LZTR1: variants seen among roughly 807,000 people sequenced by gnomAD.
The protein encoded by LZTR1 is leucine-zipper-like transcriptional regulator 1.
Under a neutral mutation model 105.7 loss-of-function variants are expected in LZTR1, and 260 were observed. That is an observed-to-expected ratio of 2.46 (90% CI 2.22 to 2.72). The LOEUF (loss-of-function observed/expected upper bound fraction) is 2.72. LZTR1 is among the 30% of genes most tolerant of loss of function. The pLI is 0.00. For missense variants in LZTR1, 1,214 were observed against 1,166.9 expected (o/e 1.04, Z -0.59); for synonymous variants, 490 against 476.4 (o/e 1.03, Z -0.37).
rs763082355 is a variant in LZTR1 at position 20,996,043 on chromosome 22, G to A, written c.2150G>A (p.Arg717Lys). The A allele has an allele frequency of 3.1e-6, 5 of 1,613,508 alleles. No homozygotes were observed. The highest frequency in any genetic ancestry group is 4.2e-6 in the Non-Finnish European group (5 of 1,180,026). Residue 717 changes from arginine to lysine, a missense_variant, in exon 18 of 21, where the codon AGG becomes AAG. Transcript: ENST00000646124. Reference protein sequence around the residue: ...NISIGEMVPSRQAFESMLRYI... With the variant: ...NISIGEMVPSKQAFESMLRYI... ...TCCATCGGGGAGATGGTGCCCAGCA[G>A]GCAGGCCTTCGAGTCCATGCTGCGC...
rs371593909 is a variant in LZTR1, at chr22:20,992,283, C to A, written c.1063C>A (p.Arg355=). ...GGTGCCCACCCTGACCTATGAGGAG[C>A]GGGTTGGCTTCAAGAAGTCCCGAGA... ...EEVPTLTYEE[R]VGFKKSRDVF... Residue 355 remains arginine, a synonymous_variant, in exon 10 of 21, where the codon CGG becomes AGG. Coordinates refer to ENST00000646124, the MANE Select transcript of LZTR1 (RefSeq NM_006767.4). The A allele has an allele frequency of 4.3e-6, 7 of 1,613,964 alleles. No individual in the cohort carries two copies. The highest frequency in any genetic ancestry group is 5.9e-6 in the Non-Finnish European group (7 of 1,179,938).
At chr22:20,996,154 G>A (rs1271049814) in intron 18 of LZTR1, 42 bp downstream of exon 18, 2 of 1,600,748 alleles carry the variant, frequency 1.2e-6, no homozygotes, top group Non-Finnish European at 1.7e-6. Context: ...CCCACCAAGG[G>A]GTCCTGGCAC....
At position 20,982,308 on chromosome 22, in the gene LZTR1, A is replaced by C; in HGVS notation, c.-64A>C. The C allele has an allele frequency of 7.6e-7, 1 of 1,319,672 alleles. No homozygotes were observed. Among genetic ancestry groups the C allele is most frequent in the Non-Finnish European group, 1.0e-6 (1 of 972,358 alleles). 81.7% of individuals were successfully genotyped at this position (1,319,672 alleles called of 1,614,324 possible). On this transcript the variant is annotated 5_prime_UTR_variant, in exon 1 of 21. Transcript: ENST00000646124. ...GCTCGCCGGGAAATGTGGTTTCTCC[A>C]GCCGGCCCGGGGCGGTGGCCGCAAG...
In LZTR1 at chr22:20,992,208, C is replaced by T; in HGVS notation, c.994-6C>T. 6.2e-7 allele frequency: 1 copy of T among 1,612,730 alleles called. No homozygotes were observed. Among genetic ancestry groups the T allele is most frequent in the Non-Finnish European group, 8.5e-7 (1 of 1,179,356 alleles). On this transcript the variant is annotated splice_region_variant and splice_polypyrimidine_tract_variant and intron_variant, in intron 9 of 20. Transcript: ENST00000646124. ...GGTCTCATGCCCATGTGTCTCCCCTCTTCAGGTTGGTGGGGCTGAAGTGCC... is the reference window on the plus strand; with the variant it reads ...GGTCTCATGCCCATGTGTCTCCCCTTTTCAGGTTGGTGGGGCTGAAGTGCC...
intron 3 of LZTR1, 101 bp from the exon 4 acceptor site, chr22:20,987,403 A>AAT: frequency 1.5e-6 from 1 of 667,500 alleles, no homozygotes; most frequent in Non-Finnish European, 2.7e-6. Context: ...AAAAAAAAAA[A>AAT]GAAAAAAGAA....
chr22:20,993,999 G>C lies in LZTR1; in HGVS notation c.1429G>C (p.Ala477Pro). The change falls in exon 13 of 21, where the codon GCG (alanine) becomes CCG (proline). Residue 477 changes from alanine (A) to proline (P), a missense_variant. By Grantham distance (27) the Ala-to-Pro change is conservative. Transcript: ENST00000646124. Reference sequence around the variant, plus strand: ...CTGGCTTCGCAGGAAGATCACGCAGGCGCGGGAGAGGCTGGCCCAGGTGAG... The same window carrying C: ...CTGGCTTCGCAGGAAGATCACGCAGCCGCGGGAGAGGCTGGCCCAGGTGAG... ...SRWLRRKITQARERLAQKLEQ... is the reference protein window; with the variant it reads ...SRWLRRKITQPRERLAQKLEQ... 5 of 1,610,840 alleles carry C rather than the reference G, an allele frequency of 3.1e-6. No individual in the cohort carries two copies. The highest frequency in any genetic ancestry group is 3.4e-6 in the Non-Finnish European group (4 of 1,179,420).
In LZTR1 at chr22:20,994,972, C is replaced by G; in HGVS notation, c.1888C>G (p.Arg630Gly). The G allele has an allele frequency of 6.2e-7, 1 of 1,613,104 alleles. No homozygotes were observed. Among genetic ancestry groups the G allele is most frequent in the Non-Finnish European group, 8.5e-7 (1 of 1,179,960 alleles). Reference sequence around the variant, plus strand: ...CTCTCCACTGATAGTGGAGATTGTGCGGCGGAAGCAGCAGCCGCCCCCTCG... The same window carrying G: ...CTCTCCACTGATAGTGGAGATTGTGGGGCGGAAGCAGCAGCCGCCCCCTCG... The part of the protein sequence containing the change: ...LSSPLIVEIV[R>G]RKQQPPPRTP... The change falls in exon 16 of 21, where the codon CGG (arginine) becomes GGG (glycine). Residue 630 changes from arginine (R) to glycine (G), a missense_variant. Physicochemically the swap from Arg to Gly is moderately radical, Grantham distance 125. Coordinates refer to ENST00000646124, the MANE Select transcript of LZTR1 (RefSeq NM_006767.4).
At position 20,997,231 on chromosome 22, in the gene LZTR1, G is replaced by C. The variant is rs200897030; in HGVS notation, c.2407-1G>C. 5 of 1,604,690 alleles carry C rather than the reference G, an allele frequency of 3.1e-6. No individual in the cohort carries two copies. The highest frequency in any genetic ancestry group is 4.3e-6 in the Non-Finnish European group (5 of 1,171,636). On this transcript the variant is annotated splice_acceptor_variant, in intron 20 of 20. Transcript: ENST00000646124. LOFTEE classifies it high-confidence loss of function. ...CTCCTTCCGGCCTGCTTGCCTTACA[G>C]GTCTCCAAGTTGCCCACCCTGCGGT...
At chr22:20,991,921 C>A in intron 9 of LZTR1, 92 bp downstream of exon 9, 1 of 1,269,960 alleles carries the variant, frequency 7.9e-7, no homozygotes, top group South Asian at 1.4e-5. Flanking sequence ...TTGGGGCCCC[C>A]TGGGGTTCCA....
intron 5 of LZTR1, 30 bp from the exon 6 acceptor site, chr22:20,988,759 C>G: frequency 1.3e-6 from 2 of 1,580,154 alleles, no homozygotes; most frequent in African/African-American, 2.7e-5. Context: ...TGGGCGGCCT[C>G]ACTCCCTCCC....
intron 15 of LZTR1, 36 bp downstream of exon 15, chr22:20,994,763 G>A (rs1924764636): frequency 1.2e-6 from 2 of 1,608,102 alleles, no homozygotes; most frequent in Non-Finnish European, 1.7e-6. Context: ...GGGTTGGGTG[G>A]GGTGTGCTCA....
chr22:20,989,969 A>T (rs937934123), intron 7 of LZTR1, among the ~76,000 whole-genome samples: 1 of 152,136 alleles, frequency 6.6e-6, no homozygotes, highest in Non-Finnish European at 1.5e-5. Context: ...GCAGAGTGCC[A>T]CGTGTGTGAG....
chr22:20,985,933 T>G (rs781757912), intron 3 of LZTR1, 36 bp downstream of exon 3: 38 of 1,607,094 alleles, frequency 2.4e-5, no homozygotes, highest in Admixed American at 3.3e-5. Flanking sequence ...CTGCCTTTCC[T>G]CCTAGAACAC....
intron 18 of LZTR1, 145 bp from the exon 19 acceptor site, chr22:20,996,551 C>A: frequency 1.5e-6 from 1 of 650,348 alleles, no homozygotes; most frequent in Non-Finnish European, 2.7e-6. Flanking sequence ...TGAATGGGGC[C>A]TTTGACCCAC....
chr22:20,988,427 C>T (rs1265418239), intron 5 of LZTR1, among the ~76,000 whole-genome samples: 3 of 152,102 alleles, frequency 2.0e-5, no homozygotes, highest in Non-Finnish European at 4.4e-5. Flanking sequence ...CCATGTGTGC[C>T]CCACTGCACT....
chr22:20,996,023 CG>C lies in LZTR1; in HGVS notation c.2134del (p.Glu712ArgfsTer55). ...PEDGQVNISI[G>X]EMVPSRQAFE... ...AAGATGGGCAGGTGAACATCTCCAT[CG>C]GGGAGATGGTGCCCAGCAGGCAGGC... On this transcript the variant is annotated frameshift_variant, in exon 18 of 21. Coordinates refer to ENST00000646124, the MANE Select transcript of LZTR1 (RefSeq NM_006767.4). LOFTEE classifies it high-confidence loss of function. 4.3e-6 allele frequency: 7 copies of C among 1,613,522 alleles called. No individual in the cohort carries two copies. Among genetic ancestry groups the C allele is most frequent in the Non-Finnish European group, 5.9e-6 (7 of 1,179,888 alleles).
chr22:20,988,259 G>C (rs550693299), intron 5 of LZTR1, 141 bp downstream of exon 5: 24 of 627,458 alleles, frequency 3.8e-5, no homozygotes, highest in Admixed American at 2.8e-5. Flanking sequence ...AATATCCCCC[G>C]GTGCAGCTAT....
chr22:20,983,929 C>T (rs1279379500), intron 2 of LZTR1, among the ~76,000 whole-genome samples: 1 of 152,244 alleles, frequency 6.6e-6, no homozygotes, highest in Non-Finnish European at 1.5e-5. Context: ...GCCTCCCTGC[C>T]TCTCTGAGTA....
chr22:20,995,773 C>A lies in LZTR1; in HGVS notation c.1970C>A (p.Ala657Glu), dbSNP rs1327559073. Residue 657 changes from alanine (A) to glutamate (E), a missense_variant, in exon 17 of 21, where the codon GCA (alanine) becomes GAA (glutamate). By Grantham distance (107) the Ala-to-Glu change is moderately radical (BLOSUM62 -1). Transcript: ENST00000646124. ...ACATCTCTGATCCAGGACATGAAGG[C>A]ATACCTGGAGGGAGCGGGCGCGGAA... Reference protein sequence around the residue: ...IGTSLIQDMKAYLEGAGAEFC... With the variant: ...IGTSLIQDMKEYLEGAGAEFC... 1 of 1,613,476 alleles carries A rather than the reference C, an allele frequency of 6.2e-7. No homozygotes were observed. Among genetic ancestry groups the A allele is most frequent in the African/African-American group, 1.3e-5 (1 of 74,900 alleles).
Sources: gnomAD v4.1 joint callset for allele counts (sites outside exome capture counted in the v4.1 genomes callset) on GRCh38, gnomAD v4.1.1 for gene constraint, MANE v1.5 for transcripts, NCBI Gene and HGNC (gene_info 2026-07-23, HGNC 2026-07-21) for gene names.